The following YPEL1 variants were observed in gnomAD, a reference collection of about 807,000 sequenced individuals.
YPEL1 encodes the protein protein yippee-like 1.
Under a neutral mutation model 17.3 loss-of-function variants are expected in YPEL1, and 7 were observed. That is an observed-to-expected ratio of 0.40 (90% CI 0.23 to 0.76). YPEL1 has a LOEUF of 0.76. YPEL1 is among the 30% of genes least tolerant of loss of function. YPEL1 has a pLI of 0.35. For missense variants in YPEL1, 91 were observed against 155.5 expected, an observed-to-expected ratio of 0.59 and a Z score of 2.21; for synonymous variants, 59 against 59.6, an observed-to-expected ratio of 0.99 and a Z score of 0.05.
intron 1 of YPEL1, among the ~76,000 whole-genome samples, chr22:21,715,952 G>A (rs5754789): frequency 0.35 from 52,994 of 151,946 alleles, 9,937 homozygotes; most frequent in African/African-American, 0.5. Flanking sequence ...AGTAAAGACG[G>A]GGTTTCTCCA....
At chr22:21,722,364 C>T (rs1461942215) in intron 1 of YPEL1, among the ~76,000 whole-genome samples, 2 of 152,070 alleles carry the variant, frequency 1.3e-5, no homozygotes, top group African/African-American at 4.8e-5. Context: ...TGCAGTAAGC[C>T]GAGATCACGC....
chr22:21,733,079 G>A (rs1411845468), intron 1 of YPEL1, among the ~76,000 whole-genome samples: 1 of 151,946 alleles, frequency 6.6e-6, no homozygotes, highest in African/African-American at 2.4e-5. Flanking sequence ...TTGTGCCACT[G>A]TACCCCAGGC....
At chr22:21,725,181 TTACA>T (rs1415758870) in intron 1 of YPEL1, among the ~76,000 whole-genome samples, 1 of 151,786 alleles carries the variant, frequency 6.6e-6, no homozygotes, top group African/African-American at 2.4e-5. Flanking sequence ...AGTGTTGGGA[TTACA>T]GGCATGAGCC....
At chr22:21,712,367 T>TAAAAAAAAAAAAAA (rs34536579) in intron 1 of YPEL1, among the ~76,000 whole-genome samples, 3 of 130,584 alleles carry the variant, frequency 2.3e-5, no homozygotes, top group African/African-American at 5.6e-5. Flanking sequence ...TTGGAATATG[T>TAAAAAAAAAAAAAA]AAAAAAAAAA....
At position 21,703,701 on chromosome 22, in the gene YPEL1, A is replaced by G; in HGVS notation, c.161+138T>C. The G allele has an allele frequency of 1.2e-6, 1 of 840,288 alleles. No individual in the cohort carries two copies. The highest frequency in any genetic ancestry group is 1.8e-6 in the Non-Finnish European group (1 of 560,454). 52.1% of individuals were successfully genotyped at this position (840,288 alleles called of 1,614,324 possible). ...GGGCAAGATCCTTAGCGCGTTTCAGAAACTCCCGGCGGGGGGATGGTGGGT... is the reference window on the plus strand; with the variant it reads ...GGGCAAGATCCTTAGCGCGTTTCAGGAACTCCCGGCGGGGGGATGGTGGGT... On this transcript the variant is annotated intron_variant, in intron 3 of 4. Coordinates refer to ENST00000339468, the MANE Select transcript of YPEL1 (RefSeq NM_013313.5). The surrounding 1 kb of genome is among the most constrained non-coding windows in gnomAD (Gnocchi z 6.1).
rs2068058867 is a variant in YPEL1, at chr22:21,700,941, G to A, written c.*188C>T. The A allele has an allele frequency of 2.0e-6, 1 of 500,756 alleles. No homozygotes were observed. Among genetic ancestry groups the A allele is most frequent in the Non-Finnish European group, 3.6e-6 (1 of 280,288 alleles). The allele number at this position is 500,756 out of a possible 1,614,324, so 31.0% of individuals were successfully genotyped here. A position where few individuals can be genotyped will look rare whatever the true frequency, so the allele number is the denominator to read the frequency against. ...ATTGAAAATTTTCAGAAACAACTGT[G>A]TACACGAAGAGGACAGATCCGAGGG... On this transcript the variant is annotated 3_prime_UTR_variant, in exon 5 of 5. Coordinates refer to ENST00000339468, the MANE Select transcript of YPEL1 (RefSeq NM_013313.5).
chr22:21,709,769 GAGGATGGGGGGAGGTCATGACCTATA>G (rs1350812029), intron 2 of YPEL1, among the ~76,000 whole-genome samples: 4 of 151,000 alleles, frequency 2.6e-5, no homozygotes, highest in Admixed American at 2.6e-4. Context: ...CATGGCCTGT[GAGGATGGGGGGAGGTCATGACCTATA>G]AGGATGAGTG....
chr22:21,723,485 A>T (rs1359578706), intron 1 of YPEL1, among the ~76,000 whole-genome samples: 1 of 152,152 alleles, frequency 6.6e-6, no homozygotes, highest in Non-Finnish European at 1.5e-5. Context: ...CTCCTGCCTC[A>T]GCCTCCAGAG....
chr22:21,727,729 C>T (rs9610174), intron 1 of YPEL1, among the ~76,000 whole-genome samples: 5,912 of 152,226 alleles, frequency 0.039, 219 homozygotes, highest in East Asian at 0.14. Context: ...ACTGGGGTGC[C>T]CCCTTCACTT....
chr22:21,718,783 T>TAC (rs10664985), intron 1 of YPEL1, among the ~76,000 whole-genome samples: 57,583 of 150,058 alleles, frequency 0.38, 11,347 homozygotes, highest in Non-Finnish European at 0.44. Flanking sequence ...CACGTGTAAA[T>TAC]ACACACACAC....
intron 1 of YPEL1, among the ~76,000 whole-genome samples, chr22:21,734,768 T>C (rs1458086569): frequency 1.3e-5 from 2 of 152,134 alleles, no homozygotes; most frequent in Non-Finnish European, 2.9e-5. Flanking sequence ...CTTGCTCAGG[T>C]GAGGTGCCTG....
chr22:21,728,703 T>C (rs2148614859), intron 1 of YPEL1, among the ~76,000 whole-genome samples: 1 of 152,274 alleles, frequency 6.6e-6, no homozygotes, highest in East Asian at 1.9e-4. Context: ...ACTTAGCAGG[T>C]TGGCAATGAT....
chr22:21,704,130 T>C (rs1041542100), intron 2 of YPEL1: 42 of 718,304 alleles, frequency 5.8e-5, no homozygotes, highest in Non-Finnish European at 1.0e-4. Context: ...AAGTGACTAT[T>C]ATTGGGAATC....
chr22:21,732,890 C>T (rs8138293), intron 1 of YPEL1, among the ~76,000 whole-genome samples: 20 of 151,804 alleles, frequency 1.3e-4, no homozygotes, highest in African/African-American at 4.8e-4. Context: ...CACTTGAGGC[C>T]AGGAGTTTGA....
intron 1 of YPEL1, among the ~76,000 whole-genome samples, chr22:21,712,943 T>C (rs980160748): frequency 2.6e-4 from 39 of 152,010 alleles, no homozygotes; most frequent in African/African-American, 8.5e-4. Flanking sequence ...TGATTAAAAA[T>C]GGACAAAGGA....
In YPEL1 at chr22:21,703,935, C is replaced by A; in HGVS notation, c.118-53G>T. 6.4e-7 allele frequency: 1 copy of A among 1,553,308 alleles called. No homozygotes were observed. ...GCTGCGAGTGCTTTCTGGAACGAAG[C>A]GGTGCTGCCCAGAACCAGGGGAGTC... On this transcript the variant is annotated intron_variant, in intron 2 of 4. Coordinates refer to ENST00000339468, the MANE Select transcript of YPEL1 (RefSeq NM_013313.5). The surrounding 1 kb of genome is among the most constrained non-coding windows in gnomAD (Gnocchi z 6.1).
At chr22:21,716,905 G>C (rs370468652) in intron 1 of YPEL1, among the ~76,000 whole-genome samples, 1 of 147,154 alleles carries the variant, frequency 6.8e-6, no homozygotes, top group Non-Finnish European at 1.5e-5. Context: ...ATGAGCTTGA[G>C]AGTATATGTA....
In YPEL1 at chr22:21,717,205, G is replaced by T. The variant is rs182877567; in HGVS notation, c.-164-6297C>A. ...AGCCTGGCCAACACGGTGAAACCCC[G>T]TCTCTACTAAAAATACAAAAATTAG... On this transcript the variant is annotated intron_variant, in intron 1 of 4. Transcript: ENST00000339468. Among the ~76,000 whole-genome samples the T allele has an allele frequency of 1.8e-4, 27 of 152,008 alleles. 1 individual carries two copies. The South Asian group carries it at 5.4e-3, about 30-fold the overall frequency.
At chr22:21,702,102 C>T (rs2068072089) in intron 4 of YPEL1, among the ~76,000 whole-genome samples, 1 of 152,168 alleles carries the variant, frequency 6.6e-6, no homozygotes, top group Non-Finnish European at 1.5e-5. Context: ...CAGACACATC[C>T]TCATCATTTT....
Sources: gnomAD v4.1 joint callset for allele counts (sites outside exome capture counted in the v4.1 genomes callset) on GRCh38, gnomAD v4.1.1 for gene constraint, Gnocchi (gnomAD v3.1) non-coding constraint, MANE v1.5 for transcripts, NCBI Gene and HGNC (gene_info 2026-07-23, HGNC 2026-07-21) for gene names.